The following KIAA1549L variants were observed in gnomAD, a reference collection of about 807,000 sequenced individuals.
KIAA1549L encodes the protein UPF0606 protein KIAA1549L.
KIAA1549L carries 88 observed loss-of-function variants against 160.7 expected under a neutral mutation model. The ratio of observed to expected loss-of-function variants is 0.55; its 90% confidence interval spans 0.46 to 0.65. KIAA1549L has a LOEUF of 0.65. Ranked by LOEUF, KIAA1549L falls within the 30% of genes least tolerant of loss-of-function variation. The pLI, the probability that KIAA1549L is intolerant of heterozygous loss-of-function variation, is 0.00. For synonymous variants in KIAA1549L, 950 were observed against 976.7 expected (o/e 0.97, Z 0.51); for missense variants, 2,258 against 2,437.5 (o/e 0.93, Z 1.55).
At chr11:33,384,387 G>T (rs542369146) in intron 1 of KIAA1549L, among the ~76,000 whole-genome samples, 1 of 152,326 alleles carries the variant, frequency 6.6e-6, no homozygotes, top group Non-Finnish European at 1.5e-5. Flanking sequence ...TGGACATGTG[G>T]GTTGTTTCCA....
intron 1 of KIAA1549L, among the ~76,000 whole-genome samples, chr11:33,499,995 C>T (rs971123486): frequency 1.3e-5 from 2 of 152,208 alleles, no homozygotes; most frequent in African/African-American, 4.8e-5. Context: ...TCCTACCCTT[C>T]TTCTTTCACT....
At chr11:33,432,687 T>C (rs1377860186) in intron 1 of KIAA1549L, among the ~76,000 whole-genome samples, 1 of 152,168 alleles carries the variant, frequency 6.6e-6, no homozygotes, top group Non-Finnish European at 1.5e-5. Flanking sequence ...CAAACTATAC[T>C]ACAAGTCTAC....
chr11:33,534,687 TTAAA>T (rs1406767415), intron 1 of KIAA1549L, among the ~76,000 whole-genome samples: 1 of 152,200 alleles, frequency 6.6e-6, no homozygotes, highest in African/African-American at 2.4e-5. Context: ...TGTTTTCTCT[TTAAA>T]TAACTTCCTC....
At chr11:33,465,614 T>C (rs1403520410) in intron 1 of KIAA1549L, among the ~76,000 whole-genome samples, 1 of 152,208 alleles carries the variant, frequency 6.6e-6, no homozygotes, top group Non-Finnish European at 1.5e-5. Context: ...AGGAACTGTT[T>C]ATGCTTTTGT....
intron 16 of KIAA1549L, among the ~76,000 whole-genome samples, chr11:33,622,451 C>CA (rs1040935777): frequency 6.6e-6 from 1 of 152,138 alleles, no homozygotes; most frequent in African/African-American, 2.4e-5. Flanking sequence ...TAAGAAAACA[C>CA]AGTCATAGCA....
At chr11:33,528,746 G>A (rs890532534) in intron 1 of KIAA1549L, among the ~76,000 whole-genome samples, 5 of 152,170 alleles carry the variant, frequency 3.3e-5, no homozygotes. Flanking sequence ...ACCAGTGTAC[G>A]TTCTCACTTA....
intron 17 of KIAA1549L, among the ~76,000 whole-genome samples, chr11:33,654,724 G>A (rs938840019): frequency 9.2e-5 from 14 of 152,160 alleles, no homozygotes; most frequent in African/African-American, 3.1e-4. Flanking sequence ...TTTCACCTCT[G>A]GTTTCAGCTC....
Position 33,376,765 on chromosome 11 carries a change from G to T in KIAA1549L, c.114G>T (p.Ala38=), listed in dbSNP as rs998984866. ...RGLGRAAWGA[A]RCTGVRGPGA... ...TTGGTCGGGCTGCCTGGGGAGCCGCGCGCTGCACGGGTGTGAGGGGCCCCG... is the reference window on the plus strand; with the variant it reads ...TTGGTCGGGCTGCCTGGGGAGCCGCTCGCTGCACGGGTGTGAGGGGCCCCG... Residue 38 remains alanine, a synonymous_variant, in exon 1 of 21, where the codon GCG becomes GCT. Transcript: ENST00000658780. This position sits in a 1 kb window ranked among gnomAD's most constrained non-coding sequence, Gnocchi z 5.8. The T allele has an allele frequency of 5.7e-4, 87 of 151,788 alleles. No individual in the cohort carries two copies. The highest frequency in any genetic ancestry group is 2.0e-3 in the African/African-American group (83 of 41,510). The allele number at this position is 151,788 out of a possible 1,614,324, so 9.4% of individuals were successfully genotyped here.
intron 1 of KIAA1549L, among the ~76,000 whole-genome samples, chr11:33,475,691 C>G (rs1399190729): frequency 7.6e-6 from 1 of 131,414 alleles, no homozygotes; most frequent in Admixed American, 7.6e-5. Flanking sequence ...TCATCTCGCT[C>G]TCTCAAAAAA....
In KIAA1549L at chr11:33,661,032, C is replaced by T. The variant is rs779802463; in HGVS notation, c.6159+18C>T. On this transcript the variant is annotated intron_variant, in intron 20 of 20. Transcript: ENST00000658780. ...CAGATTCGGTGAGACCCTTGCTCTTCACCTCATAAAACTTTACCTGCTTAA... is the reference window on the plus strand; with the variant it reads ...CAGATTCGGTGAGACCCTTGCTCTTTACCTCATAAAACTTTACCTGCTTAA... 6.3e-7 allele frequency: 1 copy of T among 1,593,880 alleles called. No homozygotes were observed. Among genetic ancestry groups the T allele is most frequent in the Non-Finnish European group, 8.6e-7 (1 of 1,169,356 alleles).
At chr11:33,521,743 A>G (rs947278348) in intron 1 of KIAA1549L, among the ~76,000 whole-genome samples, 1 of 152,198 alleles carries the variant, frequency 6.6e-6, no homozygotes, top group Admixed American at 6.5e-5. Context: ...CCACATGACG[A>G]AAGTACCAGC....
intron 10 of KIAA1549L, 49 bp from the exon 11 acceptor site, chr11:33,583,289 T>G: frequency 1.3e-6 from 2 of 1,547,066 alleles, no homozygotes. Flanking sequence ...GTTGCTTTCC[T>G]CTTCCCAGTG....
rs774323586 is a variant in KIAA1549L at position 33,568,227 on chromosome 11, G to A, written c.4230G>A (p.Gln1410=). 1.2e-6 allele frequency: 2 copies of A among 1,612,308 alleles called. No individual in the cohort carries two copies. The highest frequency in any genetic ancestry group is 3.3e-5 in the Admixed American group (2 of 59,824). ...CCACCCTGGGAAGCTACACTGTGCA[G>A]GTAGGTGTATACAGAGCCACTGGGG... ...RATTLGSYTV[Q]MVKMQRVPGP... is the part of the protein sequence containing the mutation. Residue 1410 remains glutamine, a splice_region_variant and synonymous_variant, in exon 9 of 21, where the codon CAG becomes CAA. Coordinates refer to ENST00000658780, the MANE Select transcript of KIAA1549L (RefSeq NM_012194.3).
At chr11:33,632,465 G>A (rs972169648) in intron 16 of KIAA1549L, among the ~76,000 whole-genome samples, 1 of 152,164 alleles carries the variant, frequency 6.6e-6, no homozygotes, top group Non-Finnish European at 1.5e-5. Flanking sequence ...GATGGAGCTG[G>A]GGCAGCTTAG....
intron 6 of KIAA1549L, among the ~76,000 whole-genome samples, chr11:33,557,580 G>A (rs1854691400): frequency 6.6e-6 from 1 of 152,048 alleles, no homozygotes; most frequent in Non-Finnish European, 1.5e-5. Flanking sequence ...GGGAATATAG[G>A]CTCTGGATTA....
intron 1 of KIAA1549L, among the ~76,000 whole-genome samples, chr11:33,413,438 TAAA>T (rs11342768): frequency 1.9e-4 from 26 of 139,572 alleles, no homozygotes; most frequent in Non-Finnish European, 2.0e-4. Flanking sequence ...ACCCTGTCTT[TAAA>T]AAAAAAAAAA....
chr11:33,588,648 G>A (rs1476942321), intron 11 of KIAA1549L, among the ~76,000 whole-genome samples: 1 of 152,176 alleles, frequency 6.6e-6, no homozygotes, highest in African/African-American at 2.4e-5. Flanking sequence ...TTCAGTATTT[G>A]AGAGACATTA....
intron 15 of KIAA1549L, among the ~76,000 whole-genome samples, chr11:33,612,531 A>G (rs890607714): frequency 6.6e-5 from 10 of 152,122 alleles, no homozygotes; most frequent in Admixed American, 4.6e-4. Flanking sequence ...TGCTGGGATT[A>G]CAGGCGTGAG....
chr11:33,478,362 G>A (rs1852336084), intron 1 of KIAA1549L, among the ~76,000 whole-genome samples: 1 of 152,206 alleles, frequency 6.6e-6, no homozygotes, highest in South Asian at 2.1e-4. Context: ...TGTCTTGCAG[G>A]GATTGCAGTT....
Sources: gnomAD v4.1 joint callset for allele counts (sites outside exome capture counted in the v4.1 genomes callset) on GRCh38, gnomAD v4.1.1 for gene constraint, Gnocchi (gnomAD v3.1) non-coding constraint, MANE v1.5 for transcripts, NCBI Gene and HGNC (gene_info 2026-07-23, HGNC 2026-07-21) for gene names.